SRPK2: variants seen among roughly 807,000 people sequenced by gnomAD.
The protein encoded by SRPK2 is SRSF protein kinase 2, also known as SFRS protein kinase 2.
SRPK2 carries 21 observed loss-of-function variants against 90.8 expected under a neutral mutation model. That is an observed-to-expected ratio of 0.23 (90% CI 0.16 to 0.33). The LOEUF (loss-of-function observed/expected upper bound fraction) is 0.33. Among genes scored for constraint, SRPK2 ranks in the 10% least tolerant of loss-of-function variants. The pLI is 1.00. For synonymous variants in SRPK2, 288 were observed against 311.1 expected (o/e 0.93, Z 0.78); for missense variants, 620 against 869.0 (o/e 0.71, Z 3.60).
At chr7:105,340,949 T>A (rs1328997361) in intron 2 of SRPK2, among the ~76,000 whole-genome samples, 1 of 152,218 alleles carries the variant, frequency 6.6e-6, no homozygotes, top group East Asian at 1.9e-4. Flanking sequence ...TGTGTCAACA[T>A]TTAAAAGATC....
At chr7:105,398,686 T>C (rs952723995) in intron 1 of SRPK2, among the ~76,000 whole-genome samples, 1 of 152,226 alleles carries the variant, frequency 6.6e-6, no homozygotes, top group Non-Finnish European at 1.5e-5. Flanking sequence ...GCCCATTCAA[T>C]TATGAAGCTT....
In SRPK2 at chr7:105,362,509, T is replaced by C. The variant is rs1818547053; in HGVS notation, c.71+26139A>G. Among the ~76,000 whole-genome samples the C allele has an allele frequency of 1.4e-5, 2 of 142,122 alleles. 1 individual carries two copies. The highest frequency in any genetic ancestry group is 1.4e-4 in the Admixed American group (2 of 13,976). 93.2% of individuals were successfully genotyped at this position (142,122 alleles called of 152,430 possible). A position where few individuals can be genotyped will look rare whatever the true frequency, so the allele number is the denominator to read the frequency against. On this transcript the variant is annotated intron_variant, in intron 2 of 15. Coordinates refer to ENST00000393651, the MANE Select transcript of SRPK2 (RefSeq NM_182692.3). ...TCCAGCCTGGGCGACAGAGCAAGAC[T>C]CTGTCTCAAAAAAAAAAAAAAAAAA...
At chr7:105,152,825 G>A (rs974233367) in intron 7 of SRPK2, among the ~76,000 whole-genome samples, 7 of 152,082 alleles carry the variant, frequency 4.6e-5, no homozygotes, top group Middle Eastern at 3.2e-3. Flanking sequence ...CACAAGGTCA[G>A]GAGATCCAGA....
intron 7 of SRPK2, among the ~76,000 whole-genome samples, chr7:105,154,136 C>G (rs1040536499): frequency 6.6e-6 from 1 of 152,360 alleles, no homozygotes; most frequent in Non-Finnish European, 1.5e-5. Context: ...TCTTTCATCT[C>G]TAACTGGTGA....
Position 105,303,757 on chromosome 7 carries a change from A to G in SRPK2, c.71+84891T>C, listed in dbSNP as rs191005872. Among the ~76,000 whole-genome samples, 4 of 152,340 alleles carry G rather than the reference A, an allele frequency of 2.6e-5. No individual in the cohort carries two copies. The East Asian group carries it at 5.8e-4, about 22-fold the overall frequency. On this transcript the variant is annotated intron_variant, in intron 2 of 15. Coordinates refer to ENST00000393651, the MANE Select transcript of SRPK2 (RefSeq NM_182692.3). ...AACCTGTTTCTTCATCTATAAAATG[A>G]TGTCAAAGTAATAACTCAATTCGTA... is the stretch of plus-strand genomic sequence containing the variant.
chr7:105,298,885 G>T, intron 2 of SRPK2: 1 of 683,068 alleles, frequency 1.5e-6, no homozygotes, highest in Non-Finnish European at 1.8e-6. Context: ...GTAGGCCAAC[G>T]CCTCATACTC....
intron 2 of SRPK2, among the ~76,000 whole-genome samples, chr7:105,293,063 A>G (rs1301767064): frequency 6.6e-6 from 1 of 151,800 alleles, no homozygotes; most frequent in Non-Finnish European, 1.5e-5. Context: ...GGGAGGAGGG[A>G]GGGGGGCGCG....
chr7:105,359,349 G>A (rs1452764000), intron 2 of SRPK2, among the ~76,000 whole-genome samples: 1 of 151,638 alleles, frequency 6.6e-6, no homozygotes, highest in Admixed American at 6.6e-5. Context: ...TAGTAGAGAT[G>A]GGGTTTCACT....
rs572389793 is a variant in SRPK2, at chr7:105,170,308, A to G, written c.230-1043T>C. Among the ~76,000 whole-genome samples, 3 of 152,156 alleles carry G rather than the reference A, an allele frequency of 2.0e-5. No homozygotes were observed. The South Asian group carries it at 6.2e-4, about 32-fold the overall frequency. ...GTTTATTAATAACTAGAAACTGTAC[A>G]ATGATGTCTTAATTTACCCTCTAAC... On this transcript the variant is annotated intron_variant, in intron 3 of 15. Coordinates refer to ENST00000393651, the MANE Select transcript of SRPK2 (RefSeq NM_182692.3).
chr7:105,223,792 A>C (rs1463748816), intron 2 of SRPK2, among the ~76,000 whole-genome samples: 1 of 152,234 alleles, frequency 6.6e-6, no homozygotes, highest in African/African-American at 2.4e-5. Flanking sequence ...CAGCTTTTTT[A>C]AAAAATGAAA....
rs117574803 is a variant in SRPK2 at position 105,341,764 on chromosome 7, C to T, written c.71+46884G>A. On this transcript the variant is annotated intron_variant, in intron 2 of 15. Coordinates refer to ENST00000393651, the MANE Select transcript of SRPK2 (RefSeq NM_182692.3). ...GGGTGATCACCTGATACCAGGAGTT[C>T]GAAACCAGCCTGGCCAACATGGTAA... Among the ~76,000 whole-genome samples, 426 of 151,966 alleles carry T rather than the reference C, an allele frequency of 2.8e-3. 9 individuals carry two copies. The East Asian group carries it at 0.055, about 20-fold the overall frequency.
rs868602007 is a variant in SRPK2 at position 105,261,026 on chromosome 7, A to T, written c.72-57241T>A. Reference sequence around the variant, plus strand: ...GTGCATATGTACCCTAGAAATTAAAAAAAAAAAAAAAAAAAACAGTATGGA... The same window carrying T: ...GTGCATATGTACCCTAGAAATTAAATAAAAAAAAAAAAAAAACAGTATGGA... On this transcript the variant is annotated intron_variant, in intron 2 of 15. Transcript: ENST00000393651. Among the ~76,000 whole-genome samples the T allele has an allele frequency of 3.8e-3, 566 of 149,390 alleles. 5 individuals carry two copies. Among genetic ancestry groups the T allele is most frequent in the African/African-American group, 0.013 (535 of 40,382 alleles).
chr7:105,194,346 T>C (rs1314815075), intron 3 of SRPK2, among the ~76,000 whole-genome samples: 5 of 152,088 alleles, frequency 3.3e-5, no homozygotes, highest in Admixed American at 6.5e-5. Context: ...TTCAACCTCA[T>C]GCATAAAAGA....
intron 2 of SRPK2, among the ~76,000 whole-genome samples, chr7:105,205,649 G>A (rs917368612): frequency 8.6e-5 from 13 of 151,146 alleles, no homozygotes; most frequent in African/African-American, 2.7e-4. Flanking sequence ...GTAAATGCTC[G>A]CTTCTTTTTA....
intron 2 of SRPK2, among the ~76,000 whole-genome samples, chr7:105,346,857 T>TAAAAAA (rs34287828): frequency 7.3e-6 from 1 of 137,250 alleles, no homozygotes; most frequent in Non-Finnish European, 1.5e-5. Context: ...TCTCATTTGT[T>TAAAAAA]AAAAAAAAAA....
chr7:105,198,076 G>A (rs1416580547), intron 3 of SRPK2, among the ~76,000 whole-genome samples: 1 of 152,168 alleles, frequency 6.6e-6, no homozygotes, highest in African/African-American at 2.4e-5. Flanking sequence ...TAGTATGAAG[G>A]GTGCCTTCAT....
chr7:105,298,775 C>G, intron 2 of SRPK2: 1 of 985,574 alleles, frequency 1.0e-6, no homozygotes, highest in Non-Finnish European at 1.2e-6. Context: ...AGGGCCCACT[C>G]CAACAGAGCC....
intron 2 of SRPK2, among the ~76,000 whole-genome samples, chr7:105,330,143 T>C (rs928004971): frequency 6.6e-6 from 1 of 151,644 alleles, no homozygotes; most frequent in Non-Finnish European, 1.5e-5. Context: ...ATTGAGACCA[T>C]CCTGGCTAAC....
chr7:105,289,871 G>A (rs1808721941), intron 2 of SRPK2, among the ~76,000 whole-genome samples: 2 of 152,150 alleles, frequency 1.3e-5, no homozygotes, highest in South Asian at 4.1e-4. Context: ...AGTGTGAGAT[G>A]TGTAACTCTT....
Sources: gnomAD v4.1 joint callset for allele counts (sites outside exome capture counted in the v4.1 genomes callset) on GRCh38, gnomAD v4.1.1 for gene constraint, MANE v1.5 for transcripts, NCBI Gene and HGNC (gene_info 2026-07-23, HGNC 2026-07-21) for gene names.